The following SLC6A16 variants were observed in gnomAD, a reference collection of about 807,000 sequenced individuals.
SLC6A16 encodes orphan sodium- and chloride-dependent neurotransmitter transporter NTT5.
In SLC6A16, 54 loss-of-function variants were observed where a neutral mutation model predicts 65.4. The observed-to-expected ratio is 0.83, with a 90% CI of 0.66 to 1.04. The LOEUF is 1.04. Ranked by LOEUF, SLC6A16 falls within the 50% of genes least tolerant of loss-of-function variation. The pLI, the probability that SLC6A16 is intolerant of heterozygous loss-of-function variation, is 0.00. For synonymous variants in SLC6A16, 330 were observed against 346.5 expected (o/e 0.95, Z 0.53); for missense variants, 816 against 914.0 (o/e 0.89, Z 1.38).
At chr19:49,338,798 C>A in the SLC6A16 span, 1 of 1,613,952 alleles carries the variant, frequency 6.2e-7, no homozygotes, top group Non-Finnish European at 8.5e-7. This position sits in a 1 kb window ranked among gnomAD's most constrained non-coding sequence, Gnocchi z 5.0. Flanking sequence ...GCTCCTGCTA[C>A]AACTTGTCGG....
rs267605582 is a variant in SLC6A16, at chr19:49,293,882, A to G, written c.1563T>C (p.Ile521=). Residue 521 remains isoleucine, a synonymous_variant, in exon 9 of 12, where the codon ATT becomes ATC. Coordinates refer to ENST00000335875, the MANE Select transcript of SLC6A16 (RefSeq NM_014037.3). ...SSAIGIMQGI[I]TPLQDTFSFF... ...AAGAGAAGGTGTCCTGGAGTGGAGT[A>G]ATGATGCCCTGCATAATCCCTATTG... 6.2e-7 allele frequency: 1 copy of G among 1,614,124 alleles called. No individual in the cohort carries two copies. The highest frequency in any genetic ancestry group is 8.5e-7 in the Non-Finnish European group (1 of 1,180,034).
At chr19:49,337,032 T>A in the SLC6A16 span, 1 of 1,613,360 alleles carries the variant, frequency 6.2e-7, no homozygotes, top group Non-Finnish European at 8.5e-7. Context: ...CTCCTGGGCC[T>A]GGTGAGTGCA....
intron 7 of SLC6A16, among the ~76,000 whole-genome samples, chr19:49,303,371 G>A (rs777514323): frequency 2.6e-5 from 4 of 152,162 alleles, no homozygotes; most frequent in African/African-American, 4.8e-5. Context: ...TATGTAGGCC[G>A]GGCAGGGTGG....
At position 49,299,503 on chromosome 19, in the gene SLC6A16, G is replaced by A. The variant is rs1321196260; in HGVS notation, c.1230-4950C>T. On this transcript the variant is annotated intron_variant, in intron 7 of 11. Transcript: ENST00000335875. The stretch of plus-strand genomic sequence containing the variant: ...TGGGAGGCAGAGGTTGCAGTGAGCC[G>A]AAAGCCTGGGTGACAGAGGGAGGCT... Among the ~76,000 whole-genome samples the A allele has an allele frequency of 3.4e-5, 5 of 147,472 alleles. No individual in the cohort carries two copies. In the East Asian group the frequency reaches 5.9e-4, roughly 18 times the overall value.
At chr19:49,306,827 C>T (rs2146115948) in intron 7 of SLC6A16, among the ~76,000 whole-genome samples, 1 of 152,198 alleles carries the variant, frequency 6.6e-6, no homozygotes, top group South Asian at 2.1e-4. Context: ...TAGGCATGAG[C>T]CACCGCACCC....
At chr19:49,318,722 A>G (rs76163701) in intron 1 of SLC6A16, among the ~76,000 whole-genome samples, 1 of 152,188 alleles carries the variant, frequency 6.6e-6, no homozygotes, top group South Asian at 2.1e-4. Context: ...AGACAGATAG[A>G]TATTTTCTCT....
intron 1 of SLC6A16, among the ~76,000 whole-genome samples, chr19:49,319,523 A>G (rs977846954): frequency 6.7e-6 from 1 of 150,192 alleles, no homozygotes; most frequent in Non-Finnish European, 1.5e-5. Context: ...GTATATGTAT[A>G]TACATATACC....
chr19:49,328,583 C>G (rs1970820179), upstream of SLC6A16, among the ~76,000 whole-genome samples: 1 of 152,182 alleles, frequency 6.6e-6, no homozygotes, highest in Non-Finnish European at 1.5e-5. Flanking sequence ...TGGTCAAATT[C>G]TGGATCTATT....
chr19:49,320,415 A>C, intron 1 of SLC6A16, among the ~76,000 whole-genome samples: 1 of 139,410 alleles, frequency 7.2e-6, no homozygotes. Context: ...CTAAAAACAA[A>C]CAAACAAACA....
chr19:49,295,127 T>C (rs1970161236), intron 7 of SLC6A16, among the ~76,000 whole-genome samples: 1 of 152,080 alleles, frequency 6.6e-6, no homozygotes, highest in Non-Finnish European at 1.5e-5. Context: ...CCCACCACCA[T>C]TCTTCACTTG....
the SLC6A16 span, chr19:49,335,520 C>A: frequency 6.3e-7 from 1 of 1,596,644 alleles, no homozygotes; most frequent in Non-Finnish European, 8.6e-7. The surrounding 1 kb of genome is among the most constrained non-coding windows in gnomAD (Gnocchi z 4.6). Flanking sequence ...GTGAGTGGAC[C>A]GCTTACCCCA....
At chr19:49,309,186 T>G in intron 6 of SLC6A16, 69 bp from the exon 7 acceptor site, 2 of 1,600,848 alleles carry the variant, frequency 1.2e-6, no homozygotes, top group Admixed American at 1.7e-5. Flanking sequence ...AATAGAAATG[T>G]TGCAGGGAGG....
chr19:49,304,321 C>T (rs78187677), intron 7 of SLC6A16, among the ~76,000 whole-genome samples: 5,353 of 152,324 alleles, frequency 0.035, 303 homozygotes, highest in African/African-American at 0.12. Context: ...AAGGCCACTG[C>T]AACCTTACAC....
intron 1 of SLC6A16, among the ~76,000 whole-genome samples, chr19:49,319,208 A>G (rs1970665533): frequency 6.6e-6 from 1 of 152,048 alleles, no homozygotes; most frequent in Non-Finnish European, 1.5e-5. Flanking sequence ...CTGTGAGACA[A>G]TATCAAATGG....
In SLC6A16 at chr19:49,290,750, G is replaced by A. The variant is rs189786711; in HGVS notation, c.1796C>T (p.Thr599Met). 8.1e-6 allele frequency: 13 copies of A among 1,610,548 alleles called. No homozygotes were observed. Among genetic ancestry groups the A allele is most frequent in the South Asian group, 4.4e-5 (4 of 90,274 alleles). Residue 599 changes from threonine (T) to methionine (M), a missense_variant, in exon 11 of 12, where the codon ACG (threonine) becomes ATG (methionine). By Grantham distance (81) the Thr-to-Met change is moderately conservative. Transcript: ENST00000335875. Reference protein sequence around the residue: ...YGARRFLADLTILLGHPISPI... With the variant: ...YGARRFLADLMILLGHPISPI... ...AGAGATGGGGTGGCCCAACAGGATC[G>A]TCAGGTCTGCAAGGAACCTGGAGAA...
chr19:49,330,482 A>T, the SLC6A16 span, among the ~76,000 whole-genome samples: 1 of 152,320 alleles, frequency 6.6e-6, no homozygotes, highest in African/African-American at 2.4e-5. Flanking sequence ...AGAAGCTAGA[A>T]AAAGGACGAT....
At chr19:49,338,856 A>G in the SLC6A16 span, 1 of 1,614,170 alleles carries the variant, frequency 6.2e-7, no homozygotes, top group East Asian at 2.2e-5. The surrounding 1 kb of genome is among the most constrained non-coding windows in gnomAD (Gnocchi z 5.0). Flanking sequence ...GCCCCAGCTC[A>G]GCAGGCTTGG....
At chr19:49,324,334 T>A (rs116220857) in intron 1 of SLC6A16, among the ~76,000 whole-genome samples, 4,147 of 152,042 alleles carry the variant, frequency 0.027, 183 homozygotes, top group African/African-American at 0.088. Context: ...CCATCTCAAA[T>A]AAATAAATAA....
chr19:49,332,934 G>A, the SLC6A16 span, among the ~76,000 whole-genome samples: 2 of 152,082 alleles, frequency 1.3e-5, no homozygotes, highest in Non-Finnish European at 2.9e-5. Flanking sequence ...GGCCAAGGCA[G>A]TTGGATCACT....
Sources: gnomAD v4.1 joint callset for allele counts (sites outside exome capture counted in the v4.1 genomes callset) on GRCh38, gnomAD v4.1.1 for gene constraint, Gnocchi (gnomAD v3.1) non-coding constraint, MANE v1.5 for transcripts, NCBI Gene and HGNC (gene_info 2026-07-23, HGNC 2026-07-21) for gene names.